STAM2: variants seen among roughly 807,000 people sequenced by gnomAD.
STAM2 encodes signal transducing adapter molecule 2.
A neutral mutation model predicts 65.6 loss-of-function variants in STAM2; 51 were observed. That is an observed-to-expected ratio of 0.78 (90% CI 0.62 to 0.98). The LOEUF is 0.98. Among genes scored for constraint, STAM2 ranks in the 50% least tolerant of loss-of-function variants. STAM2 has a pLI of 0.00. For missense variants in STAM2, 584 were observed against 617.8 expected, an observed-to-expected ratio of 0.95 and a Z score of 0.58; for synonymous variants, 198 against 208.4, an observed-to-expected ratio of 0.95 and a Z score of 0.43.
chr2:152,153,312 G>A (rs1689481767), intron 1 of STAM2, among the ~76,000 whole-genome samples: 1 of 150,682 alleles, frequency 6.6e-6, no homozygotes, highest in African/African-American at 2.4e-5. Context: ...ATATATATAT[G>A]AATGACAGGT....
intron 1 of STAM2, among the ~76,000 whole-genome samples, chr2:152,166,828 G>A (rs895629027): frequency 3.3e-5 from 5 of 152,144 alleles, no homozygotes; most frequent in African/African-American, 1.2e-4. Flanking sequence ...GAAAGTAAAA[G>A]CTGCTGCTCC....
At position 152,144,985 on chromosome 2, in the gene STAM2, A is replaced by G. The variant is rs554003160; in HGVS notation, c.448-28T>C. On this transcript the variant is annotated intron_variant, in intron 5 of 13. Coordinates refer to ENST00000263904, the MANE Select transcript of STAM2 (RefSeq NM_005843.6). The stretch of plus-strand genomic sequence containing the variant: ...GTAAATGTATGAGTAAAATGAACAC[A>G]ACTATCTTTTCAAACAAAACACAAG... 8.3e-6 allele frequency: 13 copies of G among 1,559,196 alleles called. No individual in the cohort carries two copies. In the African/African-American group the frequency reaches 1.6e-4, roughly 19 times the overall value.
intron 1 of STAM2, among the ~76,000 whole-genome samples, chr2:152,167,736 A>G (rs1579337381): frequency 1.1e-5 from 1 of 93,950 alleles, no homozygotes; most frequent in Non-Finnish European, 2.4e-5. Flanking sequence ...TTCTAGAAAA[A>G]AATAAATAAA....
chr2:152,128,057 C>T (rs1017363686), intron 11 of STAM2, among the ~76,000 whole-genome samples: 10 of 152,250 alleles, frequency 6.6e-5, no homozygotes, highest in African/African-American at 2.2e-4. Context: ...ACTACAACAA[C>T]GAAAAGTCTT....
intron 1 of STAM2, among the ~76,000 whole-genome samples, chr2:152,152,764 C>T (rs1689470017): frequency 6.6e-6 from 1 of 152,016 alleles, no homozygotes; most frequent in Non-Finnish European, 1.5e-5. Context: ...ACATTCCCAC[C>T]AGCAATATGT....
At position 152,117,780 on chromosome 2, in the gene STAM2, A is replaced by G. The variant is rs1688775516; in HGVS notation, c.*2794T>C. 6.6e-6 allele frequency: 1 copy of G among 152,152 alleles called. No homozygotes were observed. The allele number at this position is 152,152 out of a possible 1,614,324, so 9.4% of individuals were successfully genotyped here. On this transcript the variant is annotated 3_prime_UTR_variant, in exon 14 of 14. Coordinates refer to ENST00000263904, the MANE Select transcript of STAM2 (RefSeq NM_005843.6). ...GCTATATGTTTTTAAAACATTTAAA[A>G]TTGATTTTTTAAATTTTGAAAGTGA...
At chr2:152,122,206 G>A (rs1300356763) in intron 13 of STAM2, among the ~76,000 whole-genome samples, 2 of 151,772 alleles carry the variant, frequency 1.3e-5, no homozygotes, top group Non-Finnish European at 2.9e-5. Flanking sequence ...TGAGAGGATT[G>A]CTTGAGGTCA....
chr2:152,175,141 T>A (rs1036238051), intron 1 of STAM2, among the ~76,000 whole-genome samples: 1 of 152,204 alleles, frequency 6.6e-6, no homozygotes, highest in Non-Finnish European at 1.5e-5. Flanking sequence ...GGAAGTAAGT[T>A]CTTCCTATTC....
chr2:152,163,969 G>C (rs1012084846), intron 1 of STAM2, among the ~76,000 whole-genome samples: 1 of 152,186 alleles, frequency 6.6e-6, no homozygotes, highest in Admixed American at 6.5e-5. Flanking sequence ...ACCCTCATCA[G>C]TAATTCTAAT....
Position 152,175,761 on chromosome 2 carries a change from C to T in STAM2, c.-119G>A. On this transcript the variant is annotated 5_prime_UTR_variant, in exon 1 of 14. The change creates a new upstream start codon in the 5' untranslated region. Transcript: ENST00000263904. Reference sequence around the variant, plus strand: ...CTCCGCTTCGGCCTCCGTCCCTGCACTTCCGCCACCGCACCTGCCCGGCTC... The same window carrying T: ...CTCCGCTTCGGCCTCCGTCCCTGCATTTCCGCCACCGCACCTGCCCGGCTC... The T allele has an allele frequency of 1.9e-6, 2 of 1,043,610 alleles. No homozygotes were observed. Among genetic ancestry groups the T allele is most frequent in the East Asian group, 2.6e-5 (1 of 38,460 alleles). 64.6% of individuals were successfully genotyped at this position (1,043,610 alleles called of 1,614,324 possible). A position where few individuals can be genotyped will look rare whatever the true frequency, so the allele number is the denominator to read the frequency against.
chr2:152,175,583 G>C lies in STAM2; in HGVS notation c.40+20C>G, dbSNP rs1374835341. On this transcript the variant is annotated intron_variant, in intron 1 of 13. Coordinates refer to ENST00000263904, the MANE Select transcript of STAM2 (RefSeq NM_005843.6). ...CCAGGGCCAGGCACACAGCAGTCCA[G>C]GACCGGGCACAGCACTCACCCACGT... The C allele has an allele frequency of 1.9e-6, 3 of 1,613,920 alleles. No homozygotes were observed. The highest frequency in any genetic ancestry group is 2.7e-5 in the African/African-American group (2 of 74,938).
intron 13 of STAM2, 107 bp downstream of exon 13, chr2:152,123,659 T>C: frequency 9.0e-7 from 1 of 1,113,236 alleles, no homozygotes; most frequent in Non-Finnish European, 1.3e-6. Flanking sequence ...CACAGGATTA[T>C]GAATAAACAG....
At chr2:152,145,697 G>T (rs1021958825) in intron 5 of STAM2, among the ~76,000 whole-genome samples, 2 of 152,206 alleles carry the variant, frequency 1.3e-5, no homozygotes, top group Non-Finnish European at 2.9e-5. Context: ...GAGACAAGAG[G>T]TGCAGTTCTA....
chr2:152,165,153 C>T (rs568987086), intron 1 of STAM2, among the ~76,000 whole-genome samples: 13 of 152,128 alleles, frequency 8.5e-5, no homozygotes, highest in South Asian at 2.1e-4. Context: ...CGGTCGGGCG[C>T]GGTGGCTCAT....
intron 1 of STAM2, among the ~76,000 whole-genome samples, chr2:152,168,900 G>T (rs190381281): frequency 6.6e-6 from 1 of 152,068 alleles, no homozygotes; most frequent in Non-Finnish European, 1.5e-5. Flanking sequence ...CAATTCCTCC[G>T]CAGACCTTAT....
intron 1 of STAM2, among the ~76,000 whole-genome samples, chr2:152,154,518 T>C (rs1291145604): frequency 6.6e-6 from 1 of 152,068 alleles, no homozygotes; most frequent in Non-Finnish European, 1.5e-5. Flanking sequence ...CTTGGGAGGC[T>C]GAGGTAGGAG....
In STAM2 at chr2:152,148,167, A is replaced by G. The variant is rs73967750; in HGVS notation, c.202-45T>C. 2,465 of 1,590,402 alleles carry G rather than the reference A, an allele frequency of 1.5e-3. 45 individuals are homozygous for G. The African/African-American group carries it at 0.029, about 19-fold the overall frequency. ...TATATGAATATTGAAATATTAACTT[A>G]CTGTAATTAAAAACACATTTAAAAT... On this transcript the variant is annotated intron_variant, in intron 3 of 13. Coordinates refer to ENST00000263904, the MANE Select transcript of STAM2 (RefSeq NM_005843.6).
intron 11 of STAM2, among the ~76,000 whole-genome samples, chr2:152,127,533 A>C (rs549322603): frequency 6.6e-6 from 1 of 152,072 alleles, no homozygotes; most frequent in African/African-American, 2.4e-5. Context: ...AAATTTAAAA[A>C]CACTTGTTAA....
rs753687596 is a variant in STAM2, at chr2:152,132,076, C to CA, written c.1025+37dup. The CA allele has an allele frequency of 3.8e-5, 58 of 1,515,298 alleles. No individual in the cohort carries two copies. In the African/African-American group the frequency reaches 8.3e-4, roughly 22 times the overall value. 93.9% of individuals were successfully genotyped at this position (1,515,298 alleles called of 1,614,324 possible). A position where few individuals can be genotyped will look rare whatever the true frequency, so the allele number is the denominator to read the frequency against. The stretch of plus-strand genomic sequence containing the variant: ...TTTGCCAAAACACAAGTGAACCCCC[C>CA]AAAACTATACTTTTTATTCCTGCAC... On this transcript the variant is annotated intron_variant, in intron 11 of 13. Coordinates refer to ENST00000263904, the MANE Select transcript of STAM2 (RefSeq NM_005843.6).
Sources: allele counts gnomAD v4.1 joint callset (sites outside exome capture counted in the v4.1 genomes callset), GRCh38; gene constraint gnomAD v4.1.1; transcripts MANE v1.5; gene names NCBI Gene and HGNC (gene_info 2026-07-23, HGNC 2026-07-21).